NCKAP1: variants seen among roughly 807,000 people sequenced by gnomAD.
NCKAP1 encodes the protein nck-associated protein 1.
A neutral mutation model predicts 151.2 loss-of-function variants in NCKAP1; 21 were observed. The observed-to-expected ratio is 0.14, with a 90% CI of 0.10 to 0.20. The LOEUF (loss-of-function observed/expected upper bound fraction) is 0.20. Ranked by LOEUF, NCKAP1 falls within the 10% of genes least tolerant of loss-of-function variation. The probability of loss-of-function intolerance (pLI) is 1.00; values close to 1 mark genes in which losing one functional copy is unlikely to be tolerated. For missense variants in NCKAP1, 933 were observed against 1,352.1 expected (o/e 0.69, Z 4.86); for synonymous variants, 484 against 451.8 (o/e 1.07, Z -0.90).
At chr2:183,022,209 C>T (rs978637081) in intron 2 of NCKAP1, among the ~76,000 whole-genome samples, 1 of 152,124 alleles carries the variant, frequency 6.6e-6, no homozygotes, top group Non-Finnish European at 1.5e-5. Flanking sequence ...CACACAAACA[C>T]ATGTGTAAAC....
At chr2:183,029,516 C>T (rs995168710) in intron 1 of NCKAP1, among the ~76,000 whole-genome samples, 1 of 150,752 alleles carries the variant, frequency 6.6e-6, no homozygotes, top group Non-Finnish European at 1.5e-5. Flanking sequence ...AGAGATTAAG[C>T]AACAATCAAG....
chr2:182,991,882 G>A (rs563119255), intron 8 of NCKAP1, among the ~76,000 whole-genome samples: 6 of 152,084 alleles, frequency 3.9e-5, no homozygotes, highest in African/African-American at 9.7e-5. Context: ...CCTAAAATAC[G>A]TATCAGGATA....
intron 24 of NCKAP1, 59 bp downstream of exon 24, chr2:182,942,011 G>A: frequency 7.2e-7 from 1 of 1,388,736 alleles, no homozygotes; most frequent in East Asian, 2.3e-5. Flanking sequence ...TTGAGCCAAA[G>A]CTAAATACTG....
chr2:183,033,822 A>G (rs1699051188), intron 1 of NCKAP1, among the ~76,000 whole-genome samples: 1 of 152,198 alleles, frequency 6.6e-6, no homozygotes. Flanking sequence ...CTAACAATTC[A>G]GTAGCTTATA....
intron 23 of NCKAP1, among the ~76,000 whole-genome samples, chr2:182,948,683 A>C (rs1697154996): frequency 6.6e-6 from 1 of 152,172 alleles, no homozygotes; most frequent in South Asian, 2.1e-4. Context: ...CAAAGCATAC[A>C]CTCAGGTCTA....
chr2:182,956,313 T>TACA, intron 20 of NCKAP1, 149 bp downstream of exon 20: 7 of 941,356 alleles, frequency 7.4e-6, no homozygotes, highest in Non-Finnish European at 1.1e-5. Flanking sequence ...GTGCTGGGAT[T>TACA]ATAGGCGTGA....
intron 6 of NCKAP1, among the ~76,000 whole-genome samples, chr2:182,996,806 T>C (rs1698279382): frequency 6.6e-6 from 1 of 152,170 alleles, no homozygotes; most frequent in Non-Finnish European, 1.5e-5. Context: ...GAGAAGTCTG[T>C]TCTGAATACA....
At chr2:182,931,411 T>TA (rs570764695) in intron 26 of NCKAP1, among the ~76,000 whole-genome samples, 16 of 152,050 alleles carry the variant, frequency 1.1e-4, no homozygotes, top group Non-Finnish European at 2.2e-4. Context: ...AACCTTAGTA[T>TA]AAAATACGAA....
chr2:182,958,765 G>A (rs907952611), intron 18 of NCKAP1, among the ~76,000 whole-genome samples: 27 of 152,252 alleles, frequency 1.8e-4, no homozygotes, highest in African/African-American at 6.0e-4. Flanking sequence ...GATTTCACTT[G>A]ACAGGTAACA....
intron 13 of NCKAP1, among the ~76,000 whole-genome samples, chr2:182,979,361 CTA>C (rs1342180609): frequency 1.3e-5 from 2 of 151,956 alleles, no homozygotes; most frequent in African/African-American, 4.8e-5. Flanking sequence ...ACAACATGCA[CTA>C]AAAATGAATG....
intron 2 of NCKAP1, among the ~76,000 whole-genome samples, chr2:183,007,586 T>G (rs762644482): frequency 1.6e-4 from 24 of 152,232 alleles, no homozygotes; most frequent in Non-Finnish European, 2.8e-4. Flanking sequence ...TTTCAATTAT[T>G]ACCTTCTATT....
intron 8 of NCKAP1, among the ~76,000 whole-genome samples, chr2:182,989,625 T>C (rs1315077588): frequency 1.3e-5 from 2 of 152,136 alleles, no homozygotes; most frequent in Non-Finnish European, 2.9e-5. Context: ...AGTGGGAGGA[T>C]TGCTTGAGCC....
intron 24 of NCKAP1, 83 bp from the exon 25 acceptor site, chr2:182,935,458 T>A: frequency 4.1e-6 from 3 of 725,588 alleles, no homozygotes; most frequent in Non-Finnish European, 4.3e-6. Flanking sequence ...AATCTAAATT[T>A]ATTAAAGTAA....
chr2:183,022,267 C>G (rs778647861), intron 2 of NCKAP1, among the ~76,000 whole-genome samples: 1 of 152,004 alleles, frequency 6.6e-6, no homozygotes, highest in Admixed American at 6.6e-5. Context: ...ATTTTATGAG[C>G]TGTAAGAAAA....
chr2:183,023,616 T>C (rs1161647984), intron 2 of NCKAP1, among the ~76,000 whole-genome samples, 190 bp downstream of exon 2: 1 of 152,114 alleles, frequency 6.6e-6, no homozygotes, highest in Non-Finnish European at 1.5e-5. Flanking sequence ...AAAGTGGCAA[T>C]GTCGTTAAGA....
chr2:182,953,045 A>C, intron 21 of NCKAP1, 68 bp downstream of exon 21: 1 of 1,493,776 alleles, frequency 6.7e-7, no homozygotes, highest in Non-Finnish European at 9.0e-7. Context: ...ATTCACAAAA[A>C]AATTAATTTT....
intron 13 of NCKAP1, among the ~76,000 whole-genome samples, chr2:182,979,873 C>T (rs1377379772): frequency 6.6e-6 from 1 of 152,044 alleles, no homozygotes; most frequent in African/African-American, 2.4e-5. Context: ...TAACTATATC[C>T]ACTCTCACAG....
intron 23 of NCKAP1, among the ~76,000 whole-genome samples, chr2:182,950,637 C>A (rs1336381606): frequency 6.6e-6 from 1 of 151,978 alleles, no homozygotes; most frequent in African/African-American, 2.4e-5. Flanking sequence ...ACAATAATTG[C>A]AGAAAACTTT....
intron 15 of NCKAP1, among the ~76,000 whole-genome samples, chr2:182,972,138 A>G (rs1428552538): frequency 3.3e-5 from 5 of 150,510 alleles, no homozygotes; most frequent in Admixed American, 6.6e-5. Context: ...GAGACAACCT[A>G]TAGAATGAGA....
Sources: gnomAD v4.1 joint callset for allele counts (sites outside exome capture counted in the v4.1 genomes callset) on GRCh38, gnomAD v4.1.1 for gene constraint, MANE v1.5 for transcripts, NCBI Gene and HGNC (gene_info 2026-07-23, HGNC 2026-07-21) for gene names.